The following PITPNM3 variants were observed in gnomAD, a reference collection of about 807,000 sequenced individuals.
PITPNM3 encodes membrane-associated phosphatidylinositol transfer protein 3.
Under a neutral mutation model 102.0 loss-of-function variants are expected in PITPNM3, and 26 were observed. The ratio of observed to expected loss-of-function variants is 0.25; its 90% CI spans 0.19 to 0.35. The LOEUF (loss-of-function observed/expected upper bound fraction) is 0.35, where lower values mean the gene tolerates loss of function less well. Ranked by LOEUF, PITPNM3 falls within the 10% of genes least tolerant of loss-of-function variation. PITPNM3 has a pLI of 1.00. For synonymous variants in PITPNM3, 578 were observed against 558.6 expected (o/e 1.03, Z -0.49); for missense variants, 1,083 against 1,346.1 (o/e 0.80, Z 3.06).
chr17:6,499,395 A>C (rs1442693774), intron 4 of PITPNM3, among the ~76,000 whole-genome samples: 2 of 152,242 alleles, frequency 1.3e-5, no homozygotes, highest in Non-Finnish European at 2.9e-5. Flanking sequence ...GCAACCCAAG[A>C]GGCCCTGTGC....
intron 14 of PITPNM3, among the ~76,000 whole-genome samples, chr17:6,466,004 C>T (rs1597363941): frequency 6.6e-6 from 1 of 152,252 alleles, no homozygotes; most frequent in South Asian, 2.1e-4. Context: ...GGGCTCCCCA[C>T]TGCCCTCTGC....
At chr17:6,544,602 G>A (rs1909909636) in intron 1 of PITPNM3, among the ~76,000 whole-genome samples, 1 of 150,796 alleles carries the variant, frequency 6.6e-6, no homozygotes, top group South Asian at 2.1e-4. Flanking sequence ...CCTGGCTGCA[G>A]GGCTGAGGCT....
chr17:6,473,998 G>C (rs1234858815), intron 10 of PITPNM3, among the ~76,000 whole-genome samples: 4 of 144,744 alleles, frequency 2.8e-5, no homozygotes, highest in Non-Finnish European at 6.0e-5. Context: ...AAAAAAAAAA[G>C]GTTGCAGGTA....
chr17:6,529,717 T>C (rs368562619), intron 2 of PITPNM3, among the ~76,000 whole-genome samples: 15 of 152,184 alleles, frequency 9.9e-5, no homozygotes, highest in African/African-American at 3.4e-4. Context: ...GCCCACAACA[T>C]GGATTTCTCC....
At chr17:6,466,487 C>T (rs1904776064) in intron 14 of PITPNM3, among the ~76,000 whole-genome samples, 1 of 152,124 alleles carries the variant, frequency 6.6e-6, no homozygotes, top group African/African-American at 2.4e-5. Context: ...ATATAAGCAC[C>T]TGAAAAGATC....
intron 19 of PITPNM3, among the ~76,000 whole-genome samples, chr17:6,456,764 G>A (rs1285862136): frequency 6.6e-6 from 1 of 152,050 alleles, no homozygotes; most frequent in African/African-American, 2.4e-5. Context: ...CACCTGCTGC[G>A]CGATTCCAAT....
chr17:6,472,120 G>A lies in PITPNM3; in HGVS notation c.1429+537C>T, dbSNP rs187382310. On this transcript the variant is annotated intron_variant, in intron 11 of 19. Coordinates refer to ENST00000262483, the MANE Select transcript of PITPNM3 (RefSeq NM_031220.4). This position sits in a 1 kb window ranked among gnomAD's most constrained non-coding sequence, Gnocchi z 4.1. The stretch of plus-strand genomic sequence containing the variant: ...TCGACGATACACTCGGTCCATGCCC[G>A]GTTCACCCCACTTGACCCTGGAGGC... Among the ~76,000 whole-genome samples the A allele has an allele frequency of 5.9e-5, 9 of 152,248 alleles. No homozygotes were observed. Among genetic ancestry groups the A allele is most frequent in the East Asian group, 3.9e-4 (2 of 5,176 alleles).
At chr17:6,487,220 C>T (rs756805313) in intron 4 of PITPNM3, among the ~76,000 whole-genome samples, 6 of 152,148 alleles carry the variant, frequency 3.9e-5, no homozygotes, top group Non-Finnish European at 7.3e-5. Context: ...CACATCTTGG[C>T]TCTTATCAGC....
chr17:6,523,736 C>A (rs1908670923), intron 3 of PITPNM3, among the ~76,000 whole-genome samples: 1 of 152,238 alleles, frequency 6.6e-6, no homozygotes, highest in South Asian at 2.1e-4. Context: ...GCAAAGGACC[C>A]ACTGGCAGAT....
Position 6,538,037 on chromosome 17 carries a change from A to G in PITPNM3, c.68T>C (p.Val23Ala). The change falls in exon 2 of 20, where the codon GTC becomes GCC. Residue 23 changes from valine to alanine, a missense_variant. Coordinates refer to ENST00000262483, the MANE Select transcript of PITPNM3 (RefSeq NM_031220.4). ...GGGAPWHLRN[V>A]LSDSVESSDD... ...TGAGCTCTCCACAGAGTCACTGAGGACATTTCGAAGGTGCCAGGGGGCACC... is the reference window on the plus strand; with the variant it reads ...TGAGCTCTCCACAGAGTCACTGAGGGCATTTCGAAGGTGCCAGGGGGCACC... 1 of 1,613,990 alleles carries G rather than the reference A, an allele frequency of 6.2e-7. No homozygotes were observed. Among genetic ancestry groups the G allele is most frequent in the Non-Finnish European group, 8.5e-7 (1 of 1,179,926 alleles).
At chr17:6,500,929 G>A (rs1042326439) in intron 4 of PITPNM3, among the ~76,000 whole-genome samples, 3 of 152,170 alleles carry the variant, frequency 2.0e-5, no homozygotes, top group African/African-American at 7.2e-5. Context: ...ACCCACCTCA[G>A]CCTCCCAAAG....
At chr17:6,484,453 C>T (rs1333263767) in intron 4 of PITPNM3, among the ~76,000 whole-genome samples, 161 bp from the exon 5 acceptor site, 1 of 152,200 alleles carries the variant, frequency 6.6e-6, no homozygotes, top group Non-Finnish European at 1.5e-5. Flanking sequence ...CCAGGCCCTG[C>T]CTCTGAAACC....
At chr17:6,520,397 TA>T (rs1381676450) in intron 3 of PITPNM3, among the ~76,000 whole-genome samples, 1 of 152,236 alleles carries the variant, frequency 6.6e-6, no homozygotes, top group African/African-American at 2.4e-5. Context: ...AATGGTTAAA[TA>T]AATTATGGTA....
chr17:6,550,976 G>A (rs981812207), intron 1 of PITPNM3, among the ~76,000 whole-genome samples: 27 of 152,206 alleles, frequency 1.8e-4, no homozygotes, highest in Non-Finnish European at 4.4e-5. Context: ...GCTGGGATAG[G>A]TGATTTCACA....
In PITPNM3 at chr17:6,468,190, A is replaced by G. The variant is rs562503763; in HGVS notation, c.1890+35T>C. ...GCCAGCCCCACCTCCCGGAGGACACAGTCCCAGCCACATGCGAACTGAGCA... is the reference window on the plus strand; with the variant it reads ...GCCAGCCCCACCTCCCGGAGGACACGGTCCCAGCCACATGCGAACTGAGCA... On this transcript the variant is annotated intron_variant, in intron 14 of 19. Transcript: ENST00000262483. The surrounding 1 kb of genome is among the most constrained non-coding windows in gnomAD (Gnocchi z 5.2). 1.9e-6 allele frequency: 3 copies of G among 1,599,382 alleles called. No individual in the cohort carries two copies. The East Asian group carries it at 6.7e-5, about 36-fold the overall frequency.
intron 10 of PITPNM3, among the ~76,000 whole-genome samples, chr17:6,473,910 G>A (rs910226026): frequency 6.0e-5 from 9 of 149,350 alleles, no homozygotes; most frequent in Non-Finnish European, 1.3e-4. Context: ...CCGGGAGGCA[G>A]AGGTTGCAGT....
At position 6,453,148 on chromosome 17, in the gene PITPNM3, T is replaced by C. The variant is rs1913942133; in HGVS notation, c.*2190A>G. On this transcript the variant is annotated 3_prime_UTR_variant, in exon 20 of 20. Transcript: ENST00000262483. Reference sequence around the variant, plus strand: ...CCCTCTCTCTCTCTCTCTCTCCCTCTCTCTCTTTCTCTCTCCCTCTCCCTC... The same window carrying C: ...CCCTCTCTCTCTCTCTCTCTCCCTCCCTCTCTTTCTCTCTCCCTCTCCCTC... 1 of 151,742 alleles carries C rather than the reference T, an allele frequency of 6.6e-6. No homozygotes were observed. Among genetic ancestry groups the C allele is most frequent in the African/African-American group, 2.4e-5 (1 of 41,220 alleles). 9.4% of individuals were successfully genotyped at this position (151,742 alleles called of 1,614,324 possible). A position where few individuals can be genotyped will look rare whatever the true frequency, so the allele number is the denominator to read the frequency against.
At chr17:6,488,443 C>T (rs1176024708) in intron 4 of PITPNM3, among the ~76,000 whole-genome samples, 1 of 152,038 alleles carries the variant, frequency 6.6e-6, no homozygotes, top group African/African-American at 2.4e-5. Context: ...CTGGCTTACT[C>T]GTCTATTTCC....
In PITPNM3 at chr17:6,470,331, C is replaced by T. The variant is rs769786861; in HGVS notation, c.1702G>A (p.Val568Met). 8.1e-6 allele frequency: 13 copies of T among 1,613,946 alleles called. No homozygotes were observed. The highest frequency in any genetic ancestry group is 4.4e-5 in the South Asian group (4 of 91,072). The change falls in exon 13 of 20, where the codon GTG (valine) becomes ATG (methionine). Residue 568 changes from valine (V) to methionine (M), a missense_variant. This residue lies in a region of PITPNM3 where 410 missense variants were observed against 638.4 expected (regional missense o/e 0.64). Coordinates refer to ENST00000262483, the MANE Select transcript of PITPNM3 (RefSeq NM_031220.4). The surrounding 1 kb of genome is among the most constrained non-coding windows in gnomAD (Gnocchi z 4.8). ...CPDVLTAFPT[V>M]ALPHLFHASY... The stretch of plus-strand genomic sequence containing the variant: ...GCGTGGAAGAGGTGGGGCAGGGCCA[C>T]GGTGGGGAAGGCCGTGAGGACATCA...
Sources: allele counts gnomAD v4.1 joint callset (sites outside exome capture counted in the v4.1 genomes callset), GRCh38; gene constraint gnomAD v4.1.1; regional missense constraint gnomAD v4.1.1; non-coding constraint Gnocchi (gnomAD v3.1); transcripts MANE v1.5; gene names NCBI Gene and HGNC (gene_info 2026-07-23, HGNC 2026-07-21).